Variants in HTR4 observed in about 807,000 individuals in gnomAD.
The protein encoded by HTR4 is 5-hydroxytryptamine (serotonin) receptor 4, G protein-coupled.
In HTR4, 16 loss-of-function variants were observed where a neutral mutation model predicts 36.8. The observed-to-expected ratio is 0.43, with a 90% CI of 0.29 to 0.66. The LOEUF is 0.66. HTR4 is among the 30% of genes least tolerant of loss of function. The pLI, the probability that HTR4 is intolerant of heterozygous loss-of-function variation, is 0.13. For synonymous variants in HTR4, 189 were observed against 185.1 expected (o/e 1.02, Z -0.17); for missense variants, 438 against 490.9 (o/e 0.89, Z 1.02).
intron 2 of HTR4, among the ~76,000 whole-genome samples, chr5:148,598,355 G>A (rs1353937406): frequency 6.6e-6 from 1 of 152,094 alleles, no homozygotes; most frequent in Non-Finnish European, 1.5e-5. Context: ...GACCAGCCTT[G>A]TCAACATGGT....
intron 5 of HTR4, among the ~76,000 whole-genome samples, chr5:148,451,978 A>G (rs980463827): frequency 2.0e-5 from 3 of 152,194 alleles, no homozygotes; most frequent in Non-Finnish European, 2.9e-5. Flanking sequence ...CAGATTTTAG[A>G]AGCATGTTCA....
chr5:148,536,673 A>G lies in HTR4; in HGVS notation c.353+11995T>C, dbSNP rs540615297. Among the ~76,000 whole-genome samples the G allele has an allele frequency of 3.9e-5, 6 of 152,342 alleles. No individual in the cohort carries two copies. The East Asian group carries it at 7.7e-4, about 20-fold the overall frequency. ...GCATTACATAATTGCAAAGAGTTCA[A>G]TTCAACAAGACCTAGCTATCCTAAA... On this transcript the variant is annotated intron_variant, in intron 4 of 6. Transcript: ENST00000377888.
rs1755129742 is a variant in HTR4, at chr5:148,457,560, CAAGG to C, written c.1077-6292_1077-6289del. Among the ~76,000 whole-genome samples, 6 of 151,350 alleles carry C rather than the reference CAAGG, an allele frequency of 4.0e-5. 1 individual carries two copies. The South Asian group carries it at 1.2e-3, about 32-fold the overall frequency. On this transcript the variant is annotated intron_variant, in intron 5 of 5. Transcript: ENST00000521530. ...TATACATCACCCCAGCCTTCTCCTG[CAAGG>C]CAGTGTTCACAAAGACTGGGTGAGG...
intron 2 of HTR4, among the ~76,000 whole-genome samples, chr5:148,592,808 A>C (rs1761624719): frequency 6.6e-6 from 1 of 152,020 alleles, no homozygotes; most frequent in African/African-American, 2.4e-5. Flanking sequence ...AAAATTTCAG[A>C]TATTATTTAT....
intron 5 of HTR4, among the ~76,000 whole-genome samples, chr5:148,459,693 A>T (rs1366216944): frequency 1.3e-5 from 2 of 151,910 alleles, no homozygotes; most frequent in East Asian, 1.9e-4. Flanking sequence ...CAAAGACATC[A>T]TGTGTAGCTA....
intron 2 of HTR4, among the ~76,000 whole-genome samples, chr5:148,596,049 C>T (rs1031357063): frequency 1.3e-5 from 2 of 152,326 alleles, no homozygotes; most frequent in East Asian, 1.9e-4. Context: ...GGCGTTTGTG[C>T]TTCTATTACC....
chr5:148,511,651 G>GTGTGTGTGTA (rs924239868), intron 5 of HTR4, among the ~76,000 whole-genome samples: 3 of 151,788 alleles, frequency 2.0e-5, no homozygotes, highest in African/African-American at 7.3e-5. Flanking sequence ...GTGTGTGTGT[G>GTGTGTGTGTA]TGTGTGTATT....
intron 6 of HTR4, among the ~76,000 whole-genome samples, chr5:148,504,913 G>T (rs184482077): frequency 1.8e-3 from 276 of 152,222 alleles, no homozygotes; most frequent in African/African-American, 6.3e-3. Context: ...ATAAATTCCT[G>T]GACACATACA....
At chr5:148,619,637 C>T (rs1308206802) in intron 2 of HTR4, among the ~76,000 whole-genome samples, 1 of 152,136 alleles carries the variant, frequency 6.6e-6, no homozygotes, top group African/African-American at 2.4e-5. Context: ...ACAGCCTAGC[C>T]ATCGACACAA....
chr5:148,609,641 C>G (rs980971716), intron 2 of HTR4, among the ~76,000 whole-genome samples: 1 of 150,962 alleles, frequency 6.6e-6, no homozygotes, highest in African/African-American at 2.4e-5. Flanking sequence ...TCTAGGCTCA[C>G]TGCACGCTCT....
chr5:148,512,361 C>T (rs543226727), intron 5 of HTR4, among the ~76,000 whole-genome samples: 6 of 152,286 alleles, frequency 3.9e-5, no homozygotes, highest in Admixed American at 6.5e-5. Flanking sequence ...TAATGTTAAT[C>T]ACTGTTTTGC....
At chr5:148,597,854 C>A (rs891427279) in intron 2 of HTR4, among the ~76,000 whole-genome samples, 1 of 152,170 alleles carries the variant, frequency 6.6e-6, no homozygotes, top group African/African-American at 2.4e-5. Flanking sequence ...TCAGTGAGAA[C>A]AAGTACCTCC....
At chr5:148,550,056 A>G in intron 3 of HTR4, 81 bp downstream of exon 3, 3 of 1,391,624 alleles carry the variant, frequency 2.2e-6, no homozygotes. Context: ...TACAAATTCT[A>G]ATAGAAATGT....
chr5:148,467,030 T>C (rs1044262105), intron 5 of HTR4, among the ~76,000 whole-genome samples: 2 of 152,214 alleles, frequency 1.3e-5, no homozygotes, highest in Non-Finnish European at 2.9e-5. Flanking sequence ...TAGATAATCA[T>C]TTGAAAATTT....
intron 2 of HTR4, among the ~76,000 whole-genome samples, chr5:148,572,171 CT>C (rs1760704060): frequency 6.6e-6 from 1 of 152,038 alleles, no homozygotes. Flanking sequence ...GATTTTAGGC[CT>C]TGTCAGTTTC....
At chr5:148,533,643 T>C (rs1340122082) in intron 4 of HTR4, among the ~76,000 whole-genome samples, 5 of 152,214 alleles carry the variant, frequency 3.3e-5, no homozygotes, top group Non-Finnish European at 5.9e-5. Context: ...GAGGAGATAG[T>C]AGCAGTCAAC....
chr5:148,640,378 C>G (rs529390347), intron 1 of HTR4, among the ~76,000 whole-genome samples: 1 of 152,176 alleles, frequency 6.6e-6, no homozygotes, highest in Non-Finnish European at 1.5e-5. Context: ...TTCCTGGCAA[C>G]AAGAATCCCT....
At chr5:148,531,054 T>C (rs1758541124) in intron 4 of HTR4, among the ~76,000 whole-genome samples, 1 of 152,226 alleles carries the variant, frequency 6.6e-6, no homozygotes, top group South Asian at 2.1e-4. Context: ...AACTTGCTTT[T>C]GATTTTACAG....
intron 2 of HTR4, among the ~76,000 whole-genome samples, chr5:148,584,331 G>A (rs1761264549): frequency 6.6e-6 from 1 of 152,108 alleles, no homozygotes; most frequent in South Asian, 2.1e-4. Flanking sequence ...GGACTAGACA[G>A]ATGGACATCA....
Sources: gnomAD v4.1 joint callset for allele counts (sites outside exome capture counted in the v4.1 genomes callset) on GRCh38, gnomAD v4.1.1 for gene constraint, MANE v1.5 for transcripts, NCBI Gene and HGNC (gene_info 2026-07-23, HGNC 2026-07-21) for gene names.